Variants in DCBLD2 observed in about 807,000 individuals in gnomAD.
The protein encoded by DCBLD2 is discoidin, CUB and LCCL domain-containing protein 2.
A neutral mutation model predicts 86.8 loss-of-function variants in DCBLD2; 54 were observed. That is an observed-to-expected ratio of 0.62 (90% CI 0.50 to 0.78). The LOEUF (loss-of-function observed/expected upper bound fraction) is 0.78, where lower values mean the gene tolerates loss of function less well. DCBLD2 is among the 30% of genes least tolerant of loss of function. The probability of loss-of-function intolerance (pLI) is 0.00; values close to 1 mark genes in which losing one functional copy is unlikely to be tolerated. For missense variants in DCBLD2, 908 were observed against 954.2 expected, an observed-to-expected ratio of 0.95 and a Z score of 0.64; for synonymous variants, 354 against 341.3, an observed-to-expected ratio of 1.04 and a Z score of -0.41.
chr3:98,839,171 CCTTT>C lies in DCBLD2; in HGVS notation c.571+10286_571+10289del, dbSNP rs1312775029. 4.5e-3 allele frequency among the ~76,000 whole-genome samples: 217 copies of C among 48,326 alleles called. 1 individual carries two copies. The highest frequency in any genetic ancestry group is 6.7e-3 in the African/African-American group (89 of 13,224). The allele number at this position is 48,326 out of a possible 152,430, so 31.7% of individuals were successfully genotyped here. A position where few individuals can be genotyped will look rare whatever the true frequency, so the allele number is the denominator to read the frequency against. On this transcript the variant is annotated intron_variant, in intron 3 of 15. Coordinates refer to ENST00000326840, the MANE Select transcript of DCBLD2 (RefSeq NM_080927.4). ...TCTTTCTTTCTTTCTTTCTTTCTTT[CCTTT>C]CTTTCTTCCTTCCTTCCTTCCTTCC...
chr3:98,883,515 T>C (rs1403733831), intron 1 of DCBLD2, among the ~76,000 whole-genome samples: 2 of 152,178 alleles, frequency 1.3e-5, no homozygotes, highest in African/African-American at 4.8e-5. Flanking sequence ...GTTAACAACA[T>C]GTTTGTAAAA....
intron 3 of DCBLD2, among the ~76,000 whole-genome samples, chr3:98,829,324 C>T (rs1942280872): frequency 6.6e-6 from 1 of 151,912 alleles, no homozygotes; most frequent in Non-Finnish European, 1.5e-5. Flanking sequence ...AGGGTATATG[C>T]GCAGGATTGT....
rs1363854635 is a variant in DCBLD2 at position 98,799,735 on chromosome 3, G to A, written c.1965C>T (p.Tyr655=). Reference sequence around the variant, plus strand: ...GATAAACTTCCTGCCCTGGTGAGTTGTAAGGATCTAGGTCTGCATAGCCTG... The same window carrying A: ...GATAAACTTCCTGCCCTGGTGAGTTATAAGGATCTAGGTCTGCATAGCCTG... ...KEAGYADLDP[Y]NSPGQEVYHA... Residue 655 remains tyrosine, a synonymous_variant, in exon 16 of 16, where the codon TAC becomes TAT. Coordinates refer to ENST00000326840, the MANE Select transcript of DCBLD2 (RefSeq NM_080927.4). The A allele has an allele frequency of 3.7e-6, 6 of 1,613,968 alleles. No homozygotes were observed. The highest frequency in any genetic ancestry group is 5.1e-6 in the Non-Finnish European group (6 of 1,179,870).
At chr3:98,856,815 C>T (rs988588781) in intron 2 of DCBLD2, among the ~76,000 whole-genome samples, 6 of 150,746 alleles carry the variant, frequency 4.0e-5, no homozygotes, top group South Asian at 2.1e-4. Context: ...CAGATTCTAA[C>T]GAAAACATAA....
chr3:98,852,854 A>G (rs1216740786), intron 2 of DCBLD2, among the ~76,000 whole-genome samples: 1 of 147,534 alleles, frequency 6.8e-6, no homozygotes, highest in Non-Finnish European at 1.5e-5. Flanking sequence ...TACAACTGCA[A>G]TGAACTGAAT....
At chr3:98,853,637 A>G (rs889646126) in intron 2 of DCBLD2, among the ~76,000 whole-genome samples, 4 of 152,264 alleles carry the variant, frequency 2.6e-5, no homozygotes, top group Non-Finnish European at 5.9e-5. Context: ...CAGTAGATGA[A>G]TAACAGCAAT....
chr3:98,856,077 T>C (rs571328544), intron 2 of DCBLD2, among the ~76,000 whole-genome samples: 4 of 152,246 alleles, frequency 2.6e-5, no homozygotes, highest in African/African-American at 7.2e-5. Context: ...AGATGAGACA[T>C]TCATAGAATA....
At chr3:98,891,925 A>G (rs1576207468) in intron 1 of DCBLD2, among the ~76,000 whole-genome samples, 2 of 133,678 alleles carry the variant, frequency 1.5e-5, no homozygotes, top group East Asian at 7.3e-4. Flanking sequence ...TTAATTATGC[A>G]TATTTATGTC....
intron 3 of DCBLD2, among the ~76,000 whole-genome samples, chr3:98,839,201 TTCC>T (rs1188721948): frequency 0.013 from 1,908 of 147,564 alleles, 60 homozygotes; most frequent in African/African-American, 0.047. Flanking sequence ...CCTTCCTTCC[TTCC>T]TTCTTTCTTT....
Position 98,901,406 on chromosome 3 carries a change from A to T in DCBLD2, c.-80T>A. 8.1e-7 allele frequency: 1 copy of T among 1,239,152 alleles called. No individual in the cohort carries two copies. Among genetic ancestry groups the T allele is most frequent in the Non-Finnish European group, 1.0e-6 (1 of 990,730 alleles). 76.8% of individuals were successfully genotyped at this position (1,239,152 alleles called of 1,614,324 possible). ...CCTCTGGCCGCGGCACCCGACCAGG[A>T]GACGGCGGCAGCGGCGGGAGAACAA... On this transcript the variant is annotated 5_prime_UTR_variant, in exon 1 of 16. Transcript: ENST00000326840.
chr3:98,813,211 C>T (rs889154120), intron 9 of DCBLD2: 25 of 152,326 alleles, frequency 1.6e-4, no homozygotes, highest in African/African-American at 5.5e-4. Context: ...ACCTCAGCCT[C>T]CTGAGTAGCT....
intron 13 of DCBLD2, among the ~76,000 whole-genome samples, chr3:98,804,826 T>G (rs889618769): frequency 6.6e-6 from 1 of 152,342 alleles, no homozygotes; most frequent in East Asian, 1.9e-4. Context: ...AGGAGCAGGT[T>G]GTTCAGTTTC....
rs1257669159 is a variant in DCBLD2 at position 98,807,069 on chromosome 3, C to T, written c.1670+1012G>A. Reference sequence around the variant, plus strand: ...ACCTCTTTGCTTGACACTCAAGTGACTTTCCATCTATAGAATGAAATCTAA... The same window carrying T: ...ACCTCTTTGCTTGACACTCAAGTGATTTTCCATCTATAGAATGAAATCTAA... On this transcript the variant is annotated intron_variant, in intron 13 of 15. Transcript: ENST00000326840. 3.3e-5 allele frequency among the ~76,000 whole-genome samples: 5 copies of T among 152,254 alleles called. No homozygotes were observed. In the East Asian group the frequency reaches 9.7e-4, roughly 29 times the overall value.
intron 3 of DCBLD2, among the ~76,000 whole-genome samples, chr3:98,838,399 A>C (rs1474408021): frequency 9.8e-6 from 1 of 102,208 alleles, no homozygotes; most frequent in East Asian, 3.3e-4. Context: ...CGCTCCTCAC[A>C]TCCCAGATGG....
At chr3:98,870,737 A>AAAAGAAAGAAAGAAAGAAAAGAAAGAAAG (rs1943252211) in intron 2 of DCBLD2, among the ~76,000 whole-genome samples, 1 of 69,798 alleles carries the variant, frequency 1.4e-5, no homozygotes, top group African/African-American at 5.7e-5. Context: ...AAAAGAAAGA[A>AAAAGAAAGAAAGAAAGAAAAGAAAGAAAG]AAAGAAAGAA....
chr3:98,862,827 C>T (rs1008932080), intron 2 of DCBLD2, among the ~76,000 whole-genome samples: 1 of 152,212 alleles, frequency 6.6e-6, no homozygotes, highest in African/African-American at 2.4e-5. Context: ...GGGATGCCCT[C>T]TCTCACTACT....
chr3:98,854,142 C>T (rs911985724), intron 2 of DCBLD2, among the ~76,000 whole-genome samples: 2 of 152,146 alleles, frequency 1.3e-5, no homozygotes, highest in Non-Finnish European at 2.9e-5. Context: ...CAGTGATGCC[C>T]TCAGAAAGCT....
At position 98,799,652 on chromosome 3, in the gene DCBLD2, A is replaced by G; in HGVS notation, c.2048T>C (p.Met683Thr). The G allele has an allele frequency of 1.2e-6, 2 of 1,614,000 alleles. No homozygotes were observed. The highest frequency in any genetic ancestry group is 1.7e-6 in the Non-Finnish European group (2 of 1,179,878). The change falls in exon 16 of 16, where the codon ATG (methionine) becomes ACG (threonine). Residue 683 changes from methionine to threonine, a missense_variant. This residue lies in a region of DCBLD2 where 606 missense variants were observed against 678.5 expected (regional missense o/e 0.89). Coordinates refer to ENST00000326840, the MANE Select transcript of DCBLD2 (RefSeq NM_080927.4). ...TGPEYATPIIMDMSGHPTTSV... is the reference protein window; with the variant it reads ...TGPEYATPIITDMSGHPTTSV... ...AGTTGTGGGGTGCCCTGACATGTCC[A>G]TGATGATTGGGGTTGCATACTCAGG...
chr3:98,834,100 C>T (rs993870043), intron 3 of DCBLD2, among the ~76,000 whole-genome samples: 9 of 150,580 alleles, frequency 6.0e-5, no homozygotes, highest in Admixed American at 4.0e-4. Context: ...GGGTGGTTGT[C>T]CTGCTTTGCT....
Sources: allele counts gnomAD v4.1 joint callset (sites outside exome capture counted in the v4.1 genomes callset), GRCh38; gene constraint gnomAD v4.1.1; regional missense constraint gnomAD v4.1.1; transcripts MANE v1.5; gene names NCBI Gene and HGNC (gene_info 2026-07-23, HGNC 2026-07-21).